ASAP1: variants seen among roughly 807,000 people sequenced by gnomAD.
ASAP1 encodes ArfGAP with SH3 domain, ankyrin repeat and PH domain 1.
ASAP1 carries 43 observed loss-of-function variants against 145.2 expected under a neutral mutation model. That is an observed-to-expected ratio of 0.30 (90% CI 0.23 to 0.38). The LOEUF is 0.38. Ranked by LOEUF, ASAP1 falls within the 10% of genes least tolerant of loss-of-function variation. The pLI, the probability that ASAP1 is intolerant of heterozygous loss-of-function variation, is 1.00. For missense variants in ASAP1, 1,018 were observed against 1,355.3 expected (o/e 0.75, Z 3.91); for synonymous variants, 546 against 515.5 (o/e 1.06, Z -0.80).
intron 2 of ASAP1, among the ~76,000 whole-genome samples, chr8:130,361,951 A>G (rs1826734631): frequency 6.6e-6 from 1 of 152,036 alleles, no homozygotes; most frequent in Admixed American, 6.5e-5. Flanking sequence ...TTATAATAAG[A>G]CTGTTCAGCA....
intron 3 of ASAP1, among the ~76,000 whole-genome samples, chr8:130,277,338 A>C (rs1312466283): frequency 1.2e-4 from 19 of 152,228 alleles, no homozygotes; most frequent in Admixed American, 1.2e-3. Flanking sequence ...GGAGAAAAAC[A>C]CCAATAACTA....
chr8:130,203,977 A>T (rs1816035363), intron 5 of ASAP1, among the ~76,000 whole-genome samples: 1 of 152,178 alleles, frequency 6.6e-6, no homozygotes, highest in Non-Finnish European at 1.5e-5. Flanking sequence ...ATTATGTCCA[A>T]AACAGGATGT....
At chr8:130,228,676 G>A (rs1275922296) in intron 4 of ASAP1, among the ~76,000 whole-genome samples, 1 of 148,828 alleles carries the variant, frequency 6.7e-6, no homozygotes, top group African/African-American at 2.5e-5. Context: ...ACTCCAGCCT[G>A]GGCAACAGAG....
Position 130,440,335 on chromosome 8 carries a change from C to T in ASAP1, c.-28+3125G>A, listed in dbSNP as rs891421806. ...CATCCTGATCAACACGGCGAAACCC[C>T]GTCTCTACTAAAAATATAAAAATTA... On this transcript the variant is annotated intron_variant, in intron 1 of 29. Transcript: ENST00000518721. Among the ~76,000 whole-genome samples the T allele has an allele frequency of 7.2e-5, 11 of 152,050 alleles. No individual in the cohort carries two copies. In the South Asian group the frequency reaches 8.3e-4, roughly 11 times the overall value.
At chr8:130,181,505 T>C (rs1814355560) in intron 7 of ASAP1, among the ~76,000 whole-genome samples, 1 of 152,246 alleles carries the variant, frequency 6.6e-6, no homozygotes, top group South Asian at 2.1e-4. Context: ...TTTGTGGGTA[T>C]GCACAAAATT....
intron 27 of ASAP1, among the ~76,000 whole-genome samples, chr8:130,070,812 G>GGGGAGAGA (rs1333346241): frequency 1.4e-4 from 17 of 117,634 alleles, no homozygotes; most frequent in Non-Finnish European, 3.0e-4. Flanking sequence ...TACTCCTTGA[G>GGGGAGAGA]GGGAGAGAGG....
At chr8:130,070,239 G>C (rs1451560586) in intron 27 of ASAP1, among the ~76,000 whole-genome samples, 1 of 152,088 alleles carries the variant, frequency 6.6e-6, no homozygotes. Flanking sequence ...GGGTTTCACC[G>C]TGTTAGCCAG....
At chr8:130,262,431 A>G in intron 3 of ASAP1, among the ~76,000 whole-genome samples, 1 of 123,908 alleles carries the variant, frequency 8.1e-6, no homozygotes, top group East Asian at 2.6e-4. Flanking sequence ...AGAGAGAGAG[A>G]GAGAGAGAGA....
intron 4 of ASAP1, among the ~76,000 whole-genome samples, chr8:130,234,740 G>A (rs565858766): frequency 1.4e-5 from 2 of 147,916 alleles, no homozygotes; most frequent in African/African-American, 5.3e-5. Flanking sequence ...CCTCGTGGCT[G>A]TAAAGCAAGG....
At chr8:130,273,452 G>A (rs1820701290) in intron 3 of ASAP1, among the ~76,000 whole-genome samples, 1 of 152,126 alleles carries the variant, frequency 6.6e-6, no homozygotes, top group African/African-American at 2.4e-5. Flanking sequence ...GAACTGCGGG[G>A]GACATGTGGA....
At chr8:130,319,152 C>G (rs1469135546) in intron 3 of ASAP1, among the ~76,000 whole-genome samples, 2 of 152,168 alleles carry the variant, frequency 1.3e-5, no homozygotes, top group African/African-American at 2.4e-5. Context: ...TAGTTGAGCA[C>G]CTTGGTGAAG....
chr8:130,143,801 T>C (rs2097619461), intron 13 of ASAP1, among the ~76,000 whole-genome samples: 1 of 152,220 alleles, frequency 6.6e-6, no homozygotes, highest in Non-Finnish European at 1.5e-5. Flanking sequence ...ATGGTTCCAG[T>C]GTTTTTGCTG....
At chr8:130,216,044 GAAAAGAAAGAAAAGGAA>G (rs1474086250) in intron 4 of ASAP1, among the ~76,000 whole-genome samples, 1 of 127,504 alleles carries the variant, frequency 7.8e-6, no homozygotes, top group African/African-American at 3.1e-5. Flanking sequence ...AAAAGGAAAG[GAAAAGAAAGAAAAGGAA>G]AAAGGAAAGG....
At chr8:130,283,587 G>GAAAAAAAAAAAAAAAAAAAAAAAAA (rs71304303) in intron 3 of ASAP1, among the ~76,000 whole-genome samples, 1 of 20,848 alleles carries the variant, frequency 4.8e-5, no homozygotes, top group African/African-American at 1.7e-4. Flanking sequence ...ATCACAGAAA[G>GAAAAAAAAAAAAAAAAAAAAAAAAA]AAAAAAAAAA....
chr8:130,209,835 G>A (rs1000824062), intron 5 of ASAP1, among the ~76,000 whole-genome samples: 3 of 151,880 alleles, frequency 2.0e-5, no homozygotes, highest in East Asian at 1.9e-4. Context: ...ATGGTTATTC[G>A]GACTCCAGTA....
At chr8:130,219,491 C>A (rs1817158380) in intron 4 of ASAP1, among the ~76,000 whole-genome samples, 1 of 152,026 alleles carries the variant, frequency 6.6e-6, no homozygotes, top group African/African-American at 2.4e-5. Context: ...TGGGACACTG[C>A]CACAGGAATG....
chr8:130,217,668 A>C (rs1346007251), intron 4 of ASAP1, among the ~76,000 whole-genome samples: 2 of 152,142 alleles, frequency 1.3e-5, no homozygotes, highest in Admixed American at 6.5e-5. Context: ...CTGGACTTTC[A>C]AAGCTGCGGC....
At chr8:130,318,511 T>C (rs940393369) in intron 3 of ASAP1, among the ~76,000 whole-genome samples, 22 of 152,216 alleles carry the variant, frequency 1.4e-4, no homozygotes, top group African/African-American at 4.6e-4. Context: ...ACATCTCCTT[T>C]CATTTTCATA....
intron 2 of ASAP1, among the ~76,000 whole-genome samples, chr8:130,359,274 G>T (rs935607652): frequency 6.6e-6 from 1 of 152,288 alleles, no homozygotes; most frequent in East Asian, 1.9e-4. Flanking sequence ...TGCCCGAGCT[G>T]CAAATGGTGT....
Sources: gnomAD v4.1 joint callset for allele counts (sites outside exome capture counted in the v4.1 genomes callset) on GRCh38, gnomAD v4.1.1 for gene constraint, MANE v1.5 for transcripts, NCBI Gene and HGNC (gene_info 2026-07-23, HGNC 2026-07-21) for gene names.